The following STKLD1 variants were observed in gnomAD, a reference collection of about 807,000 sequenced individuals.
STKLD1 encodes the protein serine/threonine kinase-like domain-containing protein STKLD1.
A neutral mutation model predicts 80.4 loss-of-function variants in STKLD1; 79 were observed. The ratio of observed to expected loss-of-function variants is 0.98; its 90% confidence interval spans 0.82 to 1.19. The LOEUF is 1.19. Among genes scored for constraint, STKLD1 ranks in the 50% most tolerant of loss-of-function variants. The pLI, the probability that STKLD1 is intolerant of heterozygous loss-of-function variation, is 0.00. For synonymous variants in STKLD1, 393 were observed against 357.6 expected, an observed-to-expected ratio of 1.10 and a Z score of -1.12; for missense variants, 841 against 856.0, an observed-to-expected ratio of 0.98 and a Z score of 0.22.
At chr9:133,397,345 G>A in intron 10 of STKLD1, 51 bp downstream of exon 10, 1 of 1,605,558 alleles carries the variant, frequency 6.2e-7, no homozygotes. Context: ...CCTGTCCATG[G>A]CCTTGGCATC....
At chr9:133,388,662 G>C (rs1413546306) in intron 5 of STKLD1, 10 of 821,568 alleles carry the variant, frequency 1.2e-5, no homozygotes, top group Non-Finnish European at 1.5e-5. Flanking sequence ...AGCATTTCCT[G>C]CTCCAAGATC....
chr9:133,400,283 T>C lies in STKLD1; in HGVS notation c.1082-130T>C, dbSNP rs587613361. On this transcript the variant is annotated intron_variant, in intron 11 of 17. Coordinates refer to ENST00000371957, the MANE Select transcript of STKLD1 (RefSeq NM_153710.5). ...CCATGGACCTAGCGCTAATCCTCAT[T>C]GTCCTTCCCCCTTCTATTCACCCAC... is the stretch of plus-strand genomic sequence containing the variant. 6 of 682,192 alleles carry C rather than the reference T, an allele frequency of 8.8e-6. No individual in the cohort carries two copies. The South Asian group carries it at 9.9e-5, about 11-fold the overall frequency. 42.3% of individuals were successfully genotyped at this position (682,192 alleles called of 1,614,324 possible). A position where few individuals can be genotyped will look rare whatever the true frequency, so the allele number is the denominator to read the frequency against.
chr9:133,404,981 C>T, intron 17 of STKLD1, 52 bp downstream of exon 17: 1 of 1,593,082 alleles, frequency 6.3e-7, no homozygotes, highest in Non-Finnish European at 8.5e-7. Flanking sequence ...GTCAGGGGTG[C>T]CCCGCTCCCC....
At chr9:133,376,596 G>A (rs2130249876) in intron 1 of STKLD1, 36 bp downstream of exon 1, 2 of 1,533,326 alleles carry the variant, frequency 1.3e-6, no homozygotes, top group Non-Finnish European at 1.8e-6. Context: ...CGGGAGCTCC[G>A]TGGGGTAACG....
chr9:133,400,976 G>A (rs1052994421), intron 12 of STKLD1, among the ~76,000 whole-genome samples: 1 of 152,198 alleles, frequency 6.6e-6, no homozygotes, highest in African/African-American at 2.4e-5. Flanking sequence ...GGGAGGATGG[G>A]TTGTGTCCTC....
At position 133,394,319 on chromosome 9, in the gene STKLD1, T is replaced by C. The variant is rs1554776379; in HGVS notation, c.612T>C (p.Pro204=). ...CCTTTCGTAAGTCCTGGATGGCCCC[T>C]GAAGCCCTCAACTTCTCCTTCAGCC... The part of the protein sequence containing the change: ...EDPFRKSWMA[P]EALNFSFSQK... Residue 204 remains proline, a synonymous_variant, in exon 8 of 18, where the codon CCT becomes CCC. Transcript: ENST00000371957. This position sits in a 1 kb window ranked among gnomAD's most constrained non-coding sequence, Gnocchi z 4.9. 2.5e-6 allele frequency: 4 copies of C among 1,613,906 alleles called. No individual in the cohort carries two copies. The highest frequency in any genetic ancestry group is 1.6e-4 in the Middle Eastern group (1 of 6,062).
At chr9:133,383,316 T>TAATGATGGTAATGATG (rs1838188853) in intron 2 of STKLD1, among the ~76,000 whole-genome samples, 1 of 604 alleles carries the variant, frequency 1.7e-3, no homozygotes, top group African/African-American at 6.1e-3. Context: ...ATGGTGGTGG[T>TAATGATGGTAATGATG]GTGATGATGG....
intron 7 of STKLD1, among the ~76,000 whole-genome samples, chr9:133,392,475 G>C (rs2119223898): frequency 6.6e-6 from 1 of 151,070 alleles, no homozygotes; most frequent in South Asian, 2.1e-4. Flanking sequence ...TGATGGGTGG[G>C]TGAGTGGATG....
chr9:133,385,795 C>A lies in STKLD1; in HGVS notation c.294+104C>A. ...CCCACCCCCCACTGTCAGAATAGCT[C>A]GTGTGGCAATGGCAGTGACTGTAAA... On this transcript the variant is annotated intron_variant, in intron 4 of 17. Transcript: ENST00000371957. This position sits in a 1 kb window ranked among gnomAD's most constrained non-coding sequence, Gnocchi z 4.9. The A allele has an allele frequency of 5.5e-6, 6 of 1,082,554 alleles. No individual in the cohort carries two copies. In the South Asian group the frequency reaches 6.8e-5, roughly 12 times the overall value. 67.1% of individuals were successfully genotyped at this position (1,082,554 alleles called of 1,614,324 possible).
At chr9:133,405,028 C>T in intron 17 of STKLD1, 99 bp downstream of exon 17, 1 of 1,497,950 alleles carries the variant, frequency 6.7e-7, no homozygotes, top group Non-Finnish European at 9.0e-7. Flanking sequence ...GGAAGGTGGG[C>T]TCAACCCCAC....
In STKLD1 at chr9:133,390,050, CTA is replaced by C. The variant is rs1838350008; in HGVS notation, c.467+456_467+457del. ...TCTTATTTAAAGAGGAAGAGGGAAA[CTA>C]TGCAGCTGGGCGTGGTGGTGCACGC... is the stretch of plus-strand genomic sequence containing the variant. On this transcript the variant is annotated intron_variant, in intron 6 of 17. Coordinates refer to ENST00000371957, the MANE Select transcript of STKLD1 (RefSeq NM_153710.5). The surrounding 1 kb of genome is among the most constrained non-coding windows in gnomAD (Gnocchi z 5.1). 6.6e-6 allele frequency among the ~76,000 whole-genome samples: 1 copy of C among 152,122 alleles called. No individual in the cohort carries two copies. Among genetic ancestry groups the C allele is most frequent in the African/African-American group, 2.4e-5 (1 of 41,406 alleles).
Position 133,390,763 on chromosome 9 carries a change from G to T in STKLD1, c.550G>T (p.Asp184Tyr), listed in dbSNP as rs1010398243. Residue 184 changes from aspartate to tyrosine, a missense_variant, in exon 7 of 18, where the codon GAC (aspartate) becomes TAC (tyrosine). Coordinates refer to ENST00000371957, the MANE Select transcript of STKLD1 (RefSeq NM_153710.5). The surrounding 1 kb of genome is among the most constrained non-coding windows in gnomAD (Gnocchi z 5.1). ...CCTGAGTTCCAATGTGCTAATGACA[G>T]ACAAAGCCAAATGGAATATTCGTGC... ...QDLSSNVLMTDKAKWNIRAEE... is the reference protein window; with the variant it reads ...QDLSSNVLMTYKAKWNIRAEE... 1.2e-6 allele frequency: 2 copies of T among 1,613,762 alleles called. No homozygotes were observed. The highest frequency in any genetic ancestry group is 1.7e-6 in the Non-Finnish European group (2 of 1,179,952).
In STKLD1 at chr9:133,403,984, C is replaced by G. The variant is rs1554778202; in HGVS notation, c.1668C>G (p.Cys556Trp). 1 of 1,611,644 alleles carries G rather than the reference C, an allele frequency of 6.2e-7. No individual in the cohort carries two copies. The highest frequency in any genetic ancestry group is 2.2e-5 in the East Asian group (1 of 44,870). ...VALLLQSIRL[C>W]QDRALLVNNA... is the part of the protein sequence containing the mutation. ...TGCTCCTGCAAAGCATCCGGCTGTG[C>G]CAGGACAGAGCCCTGCTGGTGAACA... The change falls in exon 16 of 18, where the codon TGC becomes TGG. Residue 556 changes from cysteine (C) to tryptophan (W), a missense_variant. Cys to Trp is a radical substitution (Grantham distance 215). Coordinates refer to ENST00000371957, the MANE Select transcript of STKLD1 (RefSeq NM_153710.5).
Position 133,389,626 on chromosome 9 carries a change from G to C in STKLD1, c.467+30G>C. ...GTGGGGCCCCTGACCTCTGCGGACT[G>C]GCTGGCTGCTTCGGGAGAAAAGGCA... On this transcript the variant is annotated intron_variant, in intron 6 of 17. Transcript: ENST00000371957. This position sits in a 1 kb window ranked among gnomAD's most constrained non-coding sequence, Gnocchi z 6.4. 2.5e-6 allele frequency: 4 copies of C among 1,612,286 alleles called. No homozygotes were observed. Among genetic ancestry groups the C allele is most frequent in the Non-Finnish European group, 3.4e-6 (4 of 1,179,284 alleles).
At chr9:133,380,990 G>A (rs1425797821) in intron 2 of STKLD1, among the ~76,000 whole-genome samples, 1 of 151,956 alleles carries the variant, frequency 6.6e-6, no homozygotes, top group Non-Finnish European at 1.5e-5. Flanking sequence ...TTTTCACTTT[G>A]TGTAAACAGC....
intron 9 of STKLD1, 80 bp from the exon 10 acceptor site, chr9:133,397,084 C>G: frequency 1.3e-6 from 2 of 1,591,334 alleles, no homozygotes; most frequent in South Asian, 2.3e-5. Flanking sequence ...CAGCCCGGAG[C>G]CAGAGGCAGA....
chr9:133,386,299 C>T (rs1162895458), intron 4 of STKLD1, among the ~76,000 whole-genome samples: 1 of 152,354 alleles, frequency 6.6e-6, no homozygotes, highest in South Asian at 2.1e-4. Flanking sequence ...CCAGCTAGTA[C>T]GTGGCCAAGC....
Position 133,403,027 on chromosome 9 carries a change from T to A in STKLD1, c.1474+15T>A. The A allele has an allele frequency of 6.4e-7, 1 of 1,554,294 alleles. No individual in the cohort carries two copies. Among genetic ancestry groups the A allele is most frequent in the Non-Finnish European group, 8.7e-7 (1 of 1,148,524 alleles). On this transcript the variant is annotated intron_variant, in intron 14 of 17. Coordinates refer to ENST00000371957, the MANE Select transcript of STKLD1 (RefSeq NM_153710.5). ...CCTGCTGGACGGTGAGGGGCCCTCC[T>A]CCTGCTGTCCCACCGGGGCTGGCAG...
chr9:133,381,400 C>T (rs1357407666), intron 2 of STKLD1, among the ~76,000 whole-genome samples: 3 of 149,746 alleles, frequency 2.0e-5, no homozygotes, highest in Non-Finnish European at 4.4e-5. Context: ...CCGCCTGCCT[C>T]GGCCTCCCAA....
Sources: gnomAD v4.1 joint callset for allele counts (sites outside exome capture counted in the v4.1 genomes callset) on GRCh38, gnomAD v4.1.1 for gene constraint, Gnocchi (gnomAD v3.1) non-coding constraint, MANE v1.5 for transcripts, NCBI Gene and HGNC (gene_info 2026-07-23, HGNC 2026-07-21) for gene names.